Variants in NSD1 observed in about 807,000 individuals in gnomAD.
The protein encoded by NSD1 is histone-lysine N-methyltransferase, H3 lysine-36 specific.
A neutral mutation model predicts 242.7 loss-of-function variants in NSD1; 26 were observed. The ratio of observed to expected loss-of-function variants is 0.11; its 90% CI spans 0.08 to 0.15. NSD1 has a LOEUF of 0.15. Ranked by LOEUF, NSD1 falls within the 10% of genes least tolerant of loss-of-function variation. NSD1 has a pLI of 1.00. For synonymous variants in NSD1, 1,106 were observed against 1,178.1 expected, an observed-to-expected ratio of 0.94 and a Z score of 1.25; for missense variants, 2,495 against 3,272.8, an observed-to-expected ratio of 0.76 and a Z score of 5.80.
At chr5:177,292,736 G>C (rs1451832474) in intron 22 of NSD1, among the ~76,000 whole-genome samples, 1 of 152,186 alleles carries the variant, frequency 6.6e-6, no homozygotes, top group Admixed American at 6.5e-5. Flanking sequence ...ACATGAGAAA[G>C]CTGCTCAGGT....
At chr5:177,215,821 G>A (rs1581341427) in intron 5 of NSD1, among the ~76,000 whole-genome samples, 2 of 152,078 alleles carry the variant, frequency 1.3e-5, no homozygotes, top group East Asian at 1.9e-4. Context: ...CCTCTATAGT[G>A]TTTTGCATAA....
chr5:177,132,248 C>T (rs1412864413), upstream of NSD1, among the ~76,000 whole-genome samples: 2 of 151,916 alleles, frequency 1.3e-5, no homozygotes, highest in East Asian at 1.9e-4. This position sits in a 1 kb window ranked among gnomAD's most constrained non-coding sequence, Gnocchi z 7.5. Flanking sequence ...GCGCACTCCC[C>T]GGGGAACCGG....
intron 5 of NSD1, among the ~76,000 whole-genome samples, chr5:177,215,993 TG>T (rs1472512848): frequency 6.6e-6 from 1 of 152,104 alleles, no homozygotes; most frequent in African/African-American, 2.4e-5. Flanking sequence ...CCTGAGTAGC[TG>T]GGAGTACAGG....
At chr5:177,224,370 A>T (rs1764472631) in intron 5 of NSD1, among the ~76,000 whole-genome samples, 1 of 152,012 alleles carries the variant, frequency 6.6e-6, no homozygotes, top group African/African-American at 2.4e-5. Context: ...TCAGTGTATA[A>T]ATTCTGCACT....
chr5:177,295,501 T>C lies in NSD1; in HGVS notation c.*42T>C, dbSNP rs767573089. 4.4e-6 allele frequency: 7 copies of C among 1,594,782 alleles called. No homozygotes were observed. The East Asian group carries it at 1.6e-4, about 36-fold the overall frequency. ...ATGAACAAACAAGCTGCCCCCAGGG[T>C]ACCATTTGGGGAGGGGAAATCTTTT... On this transcript the variant is annotated 3_prime_UTR_variant, in exon 23 of 23. Transcript: ENST00000439151. The surrounding 1 kb of genome is among the most constrained non-coding windows in gnomAD (Gnocchi z 4.3).
chr5:177,279,681 C>T (rs530377351), intron 17 of NSD1, among the ~76,000 whole-genome samples: 7 of 127,444 alleles, frequency 5.5e-5, no homozygotes, highest in African/African-American at 1.5e-4. Context: ...AGTGCAGTCA[C>T]GCGATCTCTG....
Position 177,243,223 on chromosome 5 carries a change from C to T in NSD1, c.4303-972C>T, listed in dbSNP as rs562709017. On this transcript the variant is annotated intron_variant, in intron 8 of 22. Coordinates refer to ENST00000439151, the MANE Select transcript of NSD1 (RefSeq NM_022455.5). Reference sequence around the variant, plus strand: ...CTTTTTTTGAGACTTGCTCTGTCTCCCAGGCTGTTGTAGTGCAGTGGCGCG... The same window carrying T: ...CTTTTTTTGAGACTTGCTCTGTCTCTCAGGCTGTTGTAGTGCAGTGGCGCG... Among the ~76,000 whole-genome samples, 8 of 152,106 alleles carry T rather than the reference C, an allele frequency of 5.3e-5. No homozygotes were observed. In the East Asian group the frequency reaches 1.5e-3, roughly 29 times the overall value.
Position 177,269,513 on chromosome 5 carries a change from T to G in NSD1, c.5304-89T>G, listed in dbSNP as rs1757788597. On this transcript the variant is annotated intron_variant, in intron 15 of 22. Coordinates refer to ENST00000439151, the MANE Select transcript of NSD1 (RefSeq NM_022455.5). This position sits in a 1 kb window ranked among gnomAD's most constrained non-coding sequence, Gnocchi z 5.1. Reference sequence around the variant, plus strand: ...GACTTTAATGTGGACAGACAGACATTGCTAATCCTTACTTTTATATGAGTA... The same window carrying G: ...GACTTTAATGTGGACAGACAGACATGGCTAATCCTTACTTTTATATGAGTA... 1.8e-6 allele frequency: 2 copies of G among 1,134,146 alleles called. No homozygotes were observed. The highest frequency in any genetic ancestry group is 3.7e-5 in the Admixed American group (2 of 53,376). The allele number at this position is 1,134,146 out of a possible 1,614,324, so 70.3% of individuals were successfully genotyped here. A position where few individuals can be genotyped will look rare whatever the true frequency, so the allele number is the denominator to read the frequency against.
intron 4 of NSD1, among the ~76,000 whole-genome samples, chr5:177,206,068 T>C (rs1762847324): frequency 6.6e-6 from 1 of 152,140 alleles, no homozygotes; most frequent in South Asian, 2.1e-4. Flanking sequence ...GGTACAATCT[T>C]GGCTCACTGC....
intron 3 of NSD1, among the ~76,000 whole-genome samples, chr5:177,194,691 T>C (rs1761967607): frequency 7.3e-6 from 1 of 136,904 alleles, no homozygotes; most frequent in Non-Finnish European, 1.5e-5. Context: ...TAAATTTTAG[T>C]GTCTTTTTTT....
intron 3 of NSD1, among the ~76,000 whole-genome samples, chr5:177,195,342 C>T (rs1487261244): frequency 6.6e-6 from 1 of 152,068 alleles, no homozygotes; most frequent in East Asian, 1.9e-4. Flanking sequence ...ATGTTGATAC[C>T]TTATCCTTTG....
rs2127282828 is a variant in NSD1, at chr5:177,294,785, C to T, written c.7417C>T (p.His2473Tyr). ...CCAGAAGGAGCGGGCAGCTTCACCT[C>T]ATCAGGTCACACCACAGGCTGATGA... ...PRQKERAASP[H>Y]QVTPQADEKM... Residue 2473 changes from histidine to tyrosine, a missense_variant, in exon 23 of 23, where the codon CAT (histidine) becomes TAT (tyrosine). This residue lies in a region of NSD1 where 475 missense variants were observed against 563.7 expected (regional missense o/e 0.84). Transcript: ENST00000439151. The T allele has an allele frequency of 6.2e-7, 1 of 1,613,572 alleles. No individual in the cohort carries two copies. The highest frequency in any genetic ancestry group is 1.1e-5 in the South Asian group (1 of 91,088).
intron 11 of NSD1, among the ~76,000 whole-genome samples, chr5:177,250,562 G>GTTTT (rs34022431): frequency 7.1e-6 from 1 of 140,248 alleles, no homozygotes; most frequent in Non-Finnish European, 1.6e-5. Flanking sequence ...CTGAAGGTCA[G>GTTTT]TTTTTTTTTT....
chr5:177,233,171 C>A (rs985125326), intron 5 of NSD1, among the ~76,000 whole-genome samples: 5 of 152,130 alleles, frequency 3.3e-5, no homozygotes, highest in Non-Finnish European at 5.9e-5. Context: ...ATCTTCCAGA[C>A]TCAAGCATTC....
intron 8 of NSD1, among the ~76,000 whole-genome samples, chr5:177,241,342 C>CAA (rs755867773): frequency 1.6e-5 from 2 of 128,878 alleles, no homozygotes; most frequent in Non-Finnish European, 3.4e-5. Flanking sequence ...ACTAATAATA[C>CAA]AAAAAAAAAA....
At chr5:177,253,244 C>T (rs2149907205) in intron 12 of NSD1, among the ~76,000 whole-genome samples, 1 of 151,980 alleles carries the variant, frequency 6.6e-6, no homozygotes, top group South Asian at 2.1e-4. Context: ...GAAGACAGTA[C>T]CTAAAGGGAG....
chr5:177,145,553 C>T (rs895939075), intron 2 of NSD1, among the ~76,000 whole-genome samples: 9 of 152,120 alleles, frequency 5.9e-5, no homozygotes, highest in Non-Finnish European at 8.8e-5. Context: ...CCACCTCAGC[C>T]GCGAATATTT....
chr5:177,133,569 G>C (rs1756014160), upstream of NSD1: 1 of 150,692 alleles, frequency 6.6e-6, no homozygotes, highest in East Asian at 2.0e-4. This position sits in a 1 kb window ranked among gnomAD's most constrained non-coding sequence, Gnocchi z 6.2. Context: ...GGGGGCGGCA[G>C]CGGCAGCTCC....
At chr5:177,152,211 C>T (rs1412067239) in intron 2 of NSD1, among the ~76,000 whole-genome samples, 1 of 151,082 alleles carries the variant, frequency 6.6e-6, no homozygotes, top group Non-Finnish European at 1.5e-5. Flanking sequence ...GCACTATGTT[C>T]CCTAGGCTAG....
Sources: gnomAD v4.1 joint callset for allele counts (sites outside exome capture counted in the v4.1 genomes callset) on GRCh38, gnomAD v4.1.1 for gene constraint, gnomAD v4.1.1 regional missense constraint, Gnocchi (gnomAD v3.1) non-coding constraint, MANE v1.5 for transcripts, NCBI Gene and HGNC (gene_info 2026-07-23, HGNC 2026-07-21) for gene names.